Variants in POLE3 observed in about 807,000 individuals in gnomAD.
The protein encoded by POLE3 is DNA polymerase epsilon subunit 3.
POLE3 carries 10 observed loss-of-function variants against 16.1 expected under a neutral mutation model. The observed-to-expected ratio is 0.62, with a 90% CI of 0.38 to 1.05. POLE3 has a LOEUF of 1.05. POLE3 is among the 50% of genes least tolerant of loss of function. The pLI, the probability that POLE3 is intolerant of heterozygous loss-of-function variation, is 0.01. For missense variants in POLE3, 169 were observed against 185.0 expected, an observed-to-expected ratio of 0.91 and a Z score of 0.50; for synonymous variants, 83 against 71.0, an observed-to-expected ratio of 1.17 and a Z score of -0.85.
intron 4 of POLE3, 84 bp from the exon 5 acceptor site, chr9:113,409,067 G>A: frequency 7.5e-7 from 1 of 1,326,172 alleles, no homozygotes; most frequent in Non-Finnish European, 1.1e-6. Flanking sequence ...TGTACAATTG[G>A]AAAAACGGAG....
intron 4 of POLE3, 114 bp from the exon 5 acceptor site, chr9:113,409,097 C>T: frequency 2.2e-6 from 2 of 910,306 alleles, no homozygotes; most frequent in Non-Finnish European, 3.4e-6. Context: ...CGCGGTGGCT[C>T]ACGCCTGTAA....
At chr9:113,409,353 C>T (rs2119034491) in intron 4 of POLE3, among the ~76,000 whole-genome samples, 1 of 128,092 alleles carries the variant, frequency 7.8e-6, no homozygotes, top group South Asian at 2.6e-4. Context: ...GAGCAAGACT[C>T]CGTCTCAAAA....
intron 3 of POLE3, 153 bp downstream of exon 3, chr9:113,409,902 G>A (rs1031908758): frequency 1.3e-6 from 1 of 750,742 alleles, no homozygotes; most frequent in Admixed American, 2.6e-5. Context: ...TGATTTTGTT[G>A]TGTTATTTTG....
chr9:113,409,840 G>A, intron 3 of POLE3, 112 bp from the exon 4 acceptor site: 2 of 818,424 alleles, frequency 2.4e-6, no homozygotes, highest in Non-Finnish European at 4.1e-6. Context: ...ATGGATTTTG[G>A]TGTGACAGGG....
intron 4 of POLE3, 118 bp from the exon 5 acceptor site, chr9:113,409,101 C>A (rs1828005909): frequency 2.4e-6 from 2 of 846,214 alleles, no homozygotes; most frequent in Admixed American, 4.5e-5. Flanking sequence ...GTGGCTCACG[C>A]CTGTAATCCC....
rs760611808 is a variant in POLE3, at chr9:113,410,418, C to T, written c.-115-10G>A. ...TTCCGCCCCACGTGGCCTACAGTGT[C>T]CCACAGTGCTCTGAGCGCCATAGCC... On this transcript the variant is annotated splice_polypyrimidine_tract_variant and intron_variant, in intron 1 of 4. Coordinates refer to ENST00000374171, the MANE Select transcript of POLE3 (RefSeq NM_017443.5). The T allele has an allele frequency of 2.5e-5, 21 of 830,916 alleles. No homozygotes were observed. The highest frequency in any genetic ancestry group is 3.9e-5 in the Non-Finnish European group (20 of 508,594). The allele number at this position is 830,916 out of a possible 1,614,324, so 51.5% of individuals were successfully genotyped here. A position where few individuals can be genotyped will look rare whatever the true frequency, so the allele number is the denominator to read the frequency against.
chr9:113,410,383 G>A lies in POLE3; in HGVS notation c.-90C>T. 2 of 1,273,940 alleles carry A rather than the reference G, an allele frequency of 1.6e-6. No individual in the cohort carries two copies. Among genetic ancestry groups the A allele is most frequent in the Non-Finnish European group, 2.2e-6 (2 of 899,800 alleles). The allele number at this position is 1,273,940 out of a possible 1,614,324, so 78.9% of individuals were successfully genotyped here. ...CCGCGTCGCTACGGTCTGACCCTGCGAGGTTTCCGTTCCGCCCCACGTGGC... is the reference window on the plus strand; with the variant it reads ...CCGCGTCGCTACGGTCTGACCCTGCAAGGTTTCCGTTCCGCCCCACGTGGC... On this transcript the variant is annotated 5_prime_UTR_variant, in exon 2 of 5. Transcript: ENST00000374171.
Position 113,409,662 on chromosome 9 carries a change from C to T in POLE3, c.219G>A (p.Met73Ile). ...TLNASDVLSA[M>I]EEMEFQRFVT... is the part of the protein sequence containing the mutation. ...CGAACCGCTGGAACTCCATCTCTTCCATGGCTGAGAGCACATCACTGGCAT... is the reference window on the plus strand; with the variant it reads ...CGAACCGCTGGAACTCCATCTCTTCTATGGCTGAGAGCACATCACTGGCAT... The change falls in exon 4 of 5, where the codon ATG becomes ATA. Residue 73 changes from methionine to isoleucine, a missense_variant. Coordinates refer to ENST00000374171, the MANE Select transcript of POLE3 (RefSeq NM_017443.5). The T allele has an allele frequency of 1.2e-6, 2 of 1,613,922 alleles. No homozygotes were observed. Among genetic ancestry groups the T allele is most frequent in the South Asian group, 2.2e-5 (2 of 91,076 alleles).
chr9:113,409,578 C>G, intron 4 of POLE3, 32 bp downstream of exon 4: 1 of 1,296,806 alleles, frequency 7.7e-7, no homozygotes, highest in Middle Eastern at 2.0e-4. Context: ...TGACCATCTT[C>G]TATGTGGTTT....
chr9:113,407,892 AG>A lies in POLE3; in HGVS notation c.*918del. The stretch of plus-strand genomic sequence containing the variant: ...GAGAGAAAGGAAGCAGGAGGCACAG[AG>A]GGAGAAAGCTGTGCCTAGAGAAAAT... On this transcript the variant is annotated 3_prime_UTR_variant, in exon 5 of 5. Transcript: ENST00000374171. The A allele has an allele frequency of 6.6e-6, 1 of 152,638 alleles. No individual in the cohort carries two copies. The highest frequency in any genetic ancestry group is 1.9e-4 in the East Asian group (1 of 5,190). The allele number at this position is 152,638 out of a possible 1,614,324, so 9.5% of individuals were successfully genotyped here. A position where few individuals can be genotyped will look rare whatever the true frequency, so the allele number is the denominator to read the frequency against.
At position 113,409,612 on chromosome 9, in the gene POLE3, TC is replaced by T; in HGVS notation, c.268del (p.Glu90LysfsTer56). On this transcript the variant is annotated frameshift_variant, in exon 4 of 5. Transcript: ENST00000374171. LOFTEE classifies it high-confidence loss of function. ...TTAGAAGACAAGAGGCTCGTTACCT[TC>T]CAGAGCTTCTTTCAATGGGGTAACG... ...RFVTPLKEAL[E>X]AYRREQKGKK... 6.3e-7 allele frequency: 1 copy of T among 1,575,582 alleles called. No individual in the cohort carries two copies. Among genetic ancestry groups the T allele is most frequent in the Non-Finnish European group, 8.7e-7 (1 of 1,145,162 alleles).
chr9:113,410,037 T>A lies in POLE3; in HGVS notation c.152+18A>T. 6.5e-7 allele frequency: 1 copy of A among 1,548,352 alleles called. No homozygotes were observed. The highest frequency in any genetic ancestry group is 1.4e-5 in the African/African-American group (1 of 73,456). ...GCCAGGTATCCCCGCGCCTCCCTTATGCCTCTGTCCCGCTCACCAGGATGT... is the reference window on the plus strand; with the variant it reads ...GCCAGGTATCCCCGCGCCTCCCTTAAGCCTCTGTCCCGCTCACCAGGATGT... On this transcript the variant is annotated intron_variant, in intron 3 of 4. Coordinates refer to ENST00000374171, the MANE Select transcript of POLE3 (RefSeq NM_017443.5).
chr9:113,409,013 C>T (rs1199122367), intron 4 of POLE3, 30 bp from the exon 5 acceptor site: 1 of 1,606,704 alleles, frequency 6.2e-7, no homozygotes, highest in East Asian at 2.2e-5. Context: ...GGTTAGGAGA[C>T]AGAGCTGAAA....
At chr9:113,409,873 C>T (rs1455346034) in intron 3 of POLE3, 145 bp from the exon 4 acceptor site, 4 of 762,192 alleles carry the variant, frequency 5.2e-6, no homozygotes, top group Non-Finnish European at 4.3e-6. Flanking sequence ...CTTCTCTGCA[C>T]AAAAAAGCTA....
Position 113,408,710 on chromosome 9 carries a change from G to C in POLE3, c.*101C>G. On this transcript the variant is annotated 3_prime_UTR_variant, in exon 5 of 5. Transcript: ENST00000374171. ...TATTCTGATCTTTTCAGGCACTTTT[G>C]CCTGAGACTACTCTGCCCAGCATGG... The C allele has an allele frequency of 1.1e-6, 1 of 936,540 alleles. No individual in the cohort carries two copies. The highest frequency in any genetic ancestry group is 1.6e-6 in the Non-Finnish European group (1 of 606,768). The allele number at this position is 936,540 out of a possible 1,614,324, so 58.0% of individuals were successfully genotyped here.
chr9:113,409,373 A>AAAC (rs751830735), intron 4 of POLE3, among the ~76,000 whole-genome samples: 5,166 of 149,766 alleles, frequency 0.034, 114 homozygotes, highest in South Asian at 0.079. Flanking sequence ...AAAAAAAAAA[A>AAAC]AAAAACAAAA....
chr9:113,410,566 C>G (rs2119040181), intron 1 of POLE3, 51 bp downstream of exon 1: 1 of 555,460 alleles, frequency 1.8e-6, no homozygotes, highest in Admixed American at 3.1e-5. Flanking sequence ...ACGCCCCTCC[C>G]CAGGTCCATT....
rs754935661 is a variant in POLE3 at position 113,410,190 on chromosome 9, C to T, written c.66+38G>A. The T allele has an allele frequency of 6.2e-6, 10 of 1,610,960 alleles. No homozygotes were observed. In the South Asian group the frequency reaches 1.1e-4, roughly 18 times the overall value. On this transcript the variant is annotated intron_variant, in intron 2 of 4. Transcript: ENST00000374171. ...AAGCTGCCGTTCCAGCACCTGCTTC[C>T]CTCCTGCCCGTTCGTCCGCCCCCCC...
At chr9:113,410,732 G>A (rs1467543410), upstream of POLE3, 1 of 233,020 alleles carries the variant, frequency 4.3e-6, no homozygotes, top group East Asian at 1.1e-4. Context: ...CTGACTCGGC[G>A]GGGCGGATCC....
Sources: gnomAD v4.1 joint callset for allele counts (sites outside exome capture counted in the v4.1 genomes callset) on GRCh38, gnomAD v4.1.1 for gene constraint, MANE v1.5 for transcripts, NCBI Gene and HGNC (gene_info 2026-07-23, HGNC 2026-07-21) for gene names.